The following CAMK2D variants were observed in gnomAD, a reference collection of about 807,000 sequenced individuals.
CAMK2D encodes the protein calcium/calmodulin dependent protein kinase II delta.
In CAMK2D, 37 loss-of-function variants were observed where a neutral mutation model predicts 84.0. The ratio of observed to expected loss-of-function variants is 0.44; its 90% CI spans 0.34 to 0.58. The LOEUF is 0.58. CAMK2D is among the 20% of genes least tolerant of loss of function. The pLI is 0.02. For synonymous variants in CAMK2D, 202 were observed against 212.5 expected, an observed-to-expected ratio of 0.95 and a Z score of 0.43; for missense variants, 448 against 652.5, an observed-to-expected ratio of 0.69 and a Z score of 3.41.
intron 12 of CAMK2D, 92 bp from the exon 13 acceptor site, chr4:113,509,767 A>C: frequency 1.1e-6 from 1 of 884,268 alleles, no homozygotes; most frequent in Admixed American, 1.9e-5. Context: ...TCCTTCTACC[A>C]CCTTTGCTGA....
intron 7 of CAMK2D, among the ~76,000 whole-genome samples, chr4:113,535,105 C>T (rs534017242): frequency 1.1e-4 from 16 of 152,236 alleles, no homozygotes; most frequent in Middle Eastern, 3.4e-3. Context: ...TGTCTTATTC[C>T]TGATATCCTA....
chr4:113,682,176 G>C (rs918202130), intron 2 of CAMK2D, among the ~76,000 whole-genome samples: 1 of 152,168 alleles, frequency 6.6e-6, no homozygotes, highest in Admixed American at 6.5e-5. Context: ...CAGAATAGGA[G>C]CTAAATGTTT....
intron 4 of CAMK2D, among the ~76,000 whole-genome samples, chr4:113,584,537 C>T (rs1248596109): frequency 6.6e-6 from 1 of 152,150 alleles, no homozygotes; most frequent in Non-Finnish European, 1.5e-5. Flanking sequence ...GCAGGCTCAG[C>T]AATCATGAAC....
intron 16 of CAMK2D, among the ~76,000 whole-genome samples, chr4:113,475,274 A>T (rs2097593499): frequency 6.6e-6 from 1 of 152,220 alleles, no homozygotes; most frequent in African/African-American, 2.4e-5. Context: ...AGGCAGAAAG[A>T]GCTGAAGAGC....
intron 2 of CAMK2D, among the ~76,000 whole-genome samples, chr4:113,753,282 T>C (rs2099621388): frequency 6.6e-6 from 1 of 151,986 alleles, no homozygotes; most frequent in African/African-American, 2.4e-5. Flanking sequence ...TTAATATTTA[T>C]ATTTTTCTAA....
At position 113,453,711 on chromosome 4, in the gene CAMK2D, AAAGT is replaced by A. The variant is rs2097273551; in HGVS notation, c.*830_*833del. On this transcript the variant is annotated 3_prime_UTR_variant, in exon 21 of 21. Coordinates refer to ENST00000511664, the MANE Select transcript of CAMK2D (RefSeq NM_001321571.2). ...CCTCCCCAAAAAAGGAAAAGGGAAA[AAAGT>A]AAGAAAAGAATGGAACAAAAGAAAA... 6.6e-6 allele frequency: 1 copy of A among 152,474 alleles called. No homozygotes were observed. The highest frequency in any genetic ancestry group is 1.5e-5 in the Non-Finnish European group (1 of 68,030). 9.4% of individuals were successfully genotyped at this position (152,474 alleles called of 1,614,324 possible).
Position 113,609,091 on chromosome 4 carries a change from A to G in CAMK2D, c.275+61T>C, listed in dbSNP as rs1211694547. The stretch of plus-strand genomic sequence containing the variant: ...TTTGGACTGTACAGTGAGAAAAATC[A>G]TTAATTCAAAACGGTCCTCAATTAG... On this transcript the variant is annotated intron_variant, in intron 4 of 20. Transcript: ENST00000511664. The G allele has an allele frequency of 3.1e-5, 27 of 882,612 alleles. 1 individual carries two copies. Among genetic ancestry groups the G allele is most frequent in the Non-Finnish European group, 4.8e-5 (25 of 520,080 alleles). The allele number at this position is 882,612 out of a possible 1,614,324, so 54.7% of individuals were successfully genotyped here. A position where few individuals can be genotyped will look rare whatever the true frequency, so the allele number is the denominator to read the frequency against.
intron 4 of CAMK2D, among the ~76,000 whole-genome samples, chr4:113,590,027 T>C (rs538645797): frequency 6.6e-6 from 1 of 152,320 alleles, no homozygotes; most frequent in South Asian, 2.1e-4. Flanking sequence ...TAAATGAATA[T>C]TCAAAAGACT....
At chr4:113,474,434 G>A (rs2097580096) in intron 16 of CAMK2D, among the ~76,000 whole-genome samples, 1 of 150,210 alleles carries the variant, frequency 6.7e-6, no homozygotes, top group African/African-American at 2.4e-5. Context: ...ATTCAGACGT[G>A]GAAAAGAGAC....
intron 4 of CAMK2D, among the ~76,000 whole-genome samples, chr4:113,595,854 T>C (rs181830931): frequency 3.9e-5 from 6 of 152,280 alleles, no homozygotes; most frequent in Non-Finnish European, 7.4e-5. Flanking sequence ...TGCTGACTGA[T>C]GGGGTGGTGG....
Position 113,465,563 on chromosome 4 carries a change from C to A in CAMK2D, c.1177G>T (p.Glu393Ter). ...EIIKVTEQLI[E>*]AINNGDFEAY... ...TCAAAGTCCCCATTGTTGATAGCTT[C>A]GATCAGTTGTTCAGTGACTTTGATA... Residue 393 changes from glutamate to a stop codon, truncating the protein, a stop_gained, in exon 17 of 21, where the codon GAA becomes TAA. Transcript: ENST00000511664. LOFTEE classifies it high-confidence loss of function. 3.7e-6 allele frequency: 6 copies of A among 1,613,046 alleles called. No individual in the cohort carries two copies. Among genetic ancestry groups the A allele is most frequent in the Non-Finnish European group, 5.1e-6 (6 of 1,179,168 alleles).
intron 3 of CAMK2D, among the ~76,000 whole-genome samples, chr4:113,625,386 A>G (rs1464278541): frequency 1.3e-5 from 2 of 152,196 alleles, no homozygotes; most frequent in Admixed American, 1.3e-4. Context: ...AGTGTTCTGA[A>G]AAACAATAAA....
At chr4:113,704,785 A>T (rs2099438124) in intron 2 of CAMK2D, among the ~76,000 whole-genome samples, 1 of 152,196 alleles carries the variant, frequency 6.6e-6, no homozygotes, top group African/African-American at 2.4e-5. Context: ...CAAATTTATC[A>T]GTGAAAAATA....
chr4:113,458,720 A>G (rs2097334953), intron 18 of CAMK2D, among the ~76,000 whole-genome samples: 1 of 152,246 alleles, frequency 6.6e-6, no homozygotes, highest in African/African-American at 2.4e-5. Context: ...TCTAATGCAT[A>G]TAAGAAAAAG....
intron 4 of CAMK2D, among the ~76,000 whole-genome samples, chr4:113,560,204 AG>A (rs2098691633): frequency 1.3e-5 from 2 of 151,144 alleles, no homozygotes; most frequent in South Asian, 4.2e-4. Flanking sequence ...CAAGTTCTCC[AG>A]TGAGCGACTC....
At chr4:113,587,493 C>T (rs1055870641) in intron 4 of CAMK2D, among the ~76,000 whole-genome samples, 2 of 152,142 alleles carry the variant, frequency 1.3e-5, no homozygotes, top group African/African-American at 4.8e-5. Context: ...CACACCGTAA[C>T]ACTCAAAAGG....
chr4:113,538,193 T>C (rs921137152), intron 6 of CAMK2D, among the ~76,000 whole-genome samples: 1 of 152,156 alleles, frequency 6.6e-6, no homozygotes, highest in Admixed American at 6.5e-5. Flanking sequence ...GAGAAAGATA[T>C]ATTTTTATTT....
In CAMK2D at chr4:113,761,221, A is replaced by AGGGGC; in HGVS notation, c.-158_-154dup. On this transcript the variant is annotated 5_prime_UTR_variant, in exon 1 of 21. Coordinates refer to ENST00000511664, the MANE Select transcript of CAMK2D (RefSeq NM_001321571.2). ...AGCTCGCCCGCGAGGGAGTGTGCGCAGGGGCGGGGCGGGAGGGGAGATGAC... is the reference window on the plus strand; with the variant it reads ...AGCTCGCCCGCGAGGGAGTGTGCGCAGGGGCGGGGCGGGGCGGGAGGGGAGATGAC... 8.9e-7 allele frequency: 1 copy of AGGGGC among 1,128,288 alleles called. No individual in the cohort carries two copies. Among genetic ancestry groups the AGGGGC allele is most frequent in the Non-Finnish European group, 1.2e-6 (1 of 848,500 alleles). 69.9% of individuals were successfully genotyped at this position (1,128,288 alleles called of 1,614,324 possible). A position where few individuals can be genotyped will look rare whatever the true frequency, so the allele number is the denominator to read the frequency against.
At chr4:113,625,562 A>G (rs748024694) in intron 3 of CAMK2D, among the ~76,000 whole-genome samples, 4 of 152,138 alleles carry the variant, frequency 2.6e-5, no homozygotes, top group African/African-American at 7.2e-5. Context: ...AAGCAAATAC[A>G]AAGATCCTAT....
Sources: gnomAD v4.1 joint callset for allele counts (sites outside exome capture counted in the v4.1 genomes callset) on GRCh38, gnomAD v4.1.1 for gene constraint, MANE v1.5 for transcripts, NCBI Gene and HGNC (gene_info 2026-07-23, HGNC 2026-07-21) for gene names.